Variants in ME3 observed in about 807,000 individuals in gnomAD.
The protein encoded by ME3 is malic enzyme 3, also known as NADP-dependent malic enzyme, mitochondrial.
Under a neutral mutation model 68.9 loss-of-function variants are expected in ME3, and 48 were observed. That is an observed-to-expected ratio of 0.70 (90% CI 0.55 to 0.89). The LOEUF (loss-of-function observed/expected upper bound fraction) is 0.89, where lower values mean the gene tolerates loss of function less well. Among genes scored for constraint, ME3 ranks in the 40% least tolerant of loss-of-function variants. The pLI is 0.00. For synonymous variants in ME3, 320 were observed against 318.8 expected, an observed-to-expected ratio of 1.00 and a Z score of -0.04; for missense variants, 675 against 797.4, an observed-to-expected ratio of 0.85 and a Z score of 1.85.
chr11:86,459,356 G>A (rs577320136), intron 8 of ME3, among the ~76,000 whole-genome samples: 1 of 152,232 alleles, frequency 6.6e-6, no homozygotes, highest in African/African-American at 2.4e-5. Context: ...CAAAATCTCT[G>A]CCTTAAGTCT....
chr11:86,653,480 T>C (rs924798410), intron 2 of ME3, among the ~76,000 whole-genome samples: 1 of 152,200 alleles, frequency 6.6e-6, no homozygotes, highest in Non-Finnish European at 1.5e-5. Context: ...CTGAACAACC[T>C]GCTCCTGAAT....
chr11:86,642,163 A>T (rs1944710935), intron 2 of ME3, among the ~76,000 whole-genome samples: 1 of 152,262 alleles, frequency 6.6e-6, no homozygotes, highest in Non-Finnish European at 1.5e-5. Context: ...CTTCTAAAAA[A>T]TAGAGCCAAG....
chr11:86,662,208 C>T (rs568511559), intron 2 of ME3, among the ~76,000 whole-genome samples: 4 of 152,210 alleles, frequency 2.6e-5, no homozygotes, highest in Admixed American at 1.3e-4. Flanking sequence ...GTTAGTACAG[C>T]GTAGGGGATA....
intron 4 of ME3, among the ~76,000 whole-genome samples, chr11:86,530,993 C>T (rs1955184302): frequency 2.0e-5 from 3 of 152,048 alleles, no homozygotes; most frequent in South Asian, 2.1e-4. Context: ...CCAAAATTGA[C>T]AAATGGGATC....
intron 2 of ME3, among the ~76,000 whole-genome samples, chr11:86,600,264 C>T (rs185633252): frequency 6.6e-6 from 1 of 152,086 alleles, no homozygotes; most frequent in African/African-American, 2.4e-5. Flanking sequence ...GAAGATCTAT[C>T]AAGCAAATGG....
At chr11:86,580,571 A>G (rs1038747069) in intron 2 of ME3, among the ~76,000 whole-genome samples, 1 of 152,206 alleles carries the variant, frequency 6.6e-6, no homozygotes, top group Non-Finnish European at 1.5e-5. Flanking sequence ...AGATATTAAC[A>G]CTACTTCAGT....
At chr11:86,617,055 T>TTG (rs1943018710) in intron 2 of ME3, among the ~76,000 whole-genome samples, 1 of 81,312 alleles carries the variant, frequency 1.2e-5, no homozygotes, top group African/African-American at 4.6e-5. Flanking sequence ...GTTTTTTTTT[T>TTG]TTTTTTTTTT....
chr11:86,641,338 G>A (rs941367188), intron 2 of ME3, among the ~76,000 whole-genome samples: 20 of 152,196 alleles, frequency 1.3e-4, no homozygotes, highest in Admixed American at 9.8e-4. Context: ...TGCTAATGAA[G>A]CACTTCCTCT....
intron 2 of ME3, among the ~76,000 whole-genome samples, chr11:86,601,632 C>T (rs1228695530): frequency 9.9e-5 from 15 of 151,962 alleles, no homozygotes; most frequent in Admixed American, 3.3e-4. Context: ...ATACCAAAGC[C>T]GGGCAGAGAC....
intron 7 of ME3, among the ~76,000 whole-genome samples, chr11:86,480,501 CTAA>C (rs1951338704): frequency 6.6e-6 from 1 of 152,204 alleles, no homozygotes; most frequent in South Asian, 2.1e-4. Flanking sequence ...CTTTACCTAA[CTAA>C]TGAGTTTGCC....
At chr11:86,641,316 T>C (rs1944660800) in intron 2 of ME3, among the ~76,000 whole-genome samples, 1 of 152,190 alleles carries the variant, frequency 6.6e-6, no homozygotes, top group Non-Finnish European at 1.5e-5. Flanking sequence ...GAAAAGGTTA[T>C]TTGACCAAAG....
chr11:86,485,669 C>T lies in ME3; in HGVS notation c.809+1668G>A, dbSNP rs77065796. Among the ~76,000 whole-genome samples, 324 of 152,256 alleles carry T rather than the reference C, an allele frequency of 2.1e-3. 1 individual carries two copies. Among genetic ancestry groups the T allele is most frequent in the African/African-American group, 7.4e-3 (308 of 41,528 alleles). On this transcript the variant is annotated intron_variant, in intron 7 of 14. Coordinates refer to ENST00000543262, the Ensembl canonical transcript of ME3. ...CACTGTCCCTTGTCCCTCCCCTTTA[C>T]CACGTCCTCCCATTCTCTCCCCTTT...
intron 2 of ME3, among the ~76,000 whole-genome samples, chr11:86,654,297 A>G (rs1945697064): frequency 6.6e-6 from 1 of 152,246 alleles, no homozygotes; most frequent in South Asian, 2.1e-4. Flanking sequence ...CAACCAAAAA[A>G]GAGAATTTTA....
At chr11:86,538,488 C>G (rs1024277847) in intron 4 of ME3, among the ~76,000 whole-genome samples, 1 of 152,068 alleles carries the variant, frequency 6.6e-6, no homozygotes, top group Non-Finnish European at 1.5e-5. Flanking sequence ...TTCTGGAGCC[C>G]AAGCTCAACT....
intron 2 of ME3, among the ~76,000 whole-genome samples, chr11:86,571,976 G>C (rs1189624061): frequency 6.6e-6 from 1 of 152,164 alleles, no homozygotes; most frequent in Non-Finnish European, 1.5e-5. Context: ...CTTCAGAAGA[G>C]GCAGCACAAC....
intron 2 of ME3, among the ~76,000 whole-genome samples, chr11:86,596,552 T>C (rs1296764138): frequency 6.6e-6 from 1 of 152,258 alleles, no homozygotes; most frequent in Admixed American, 6.5e-5. Context: ...TCAGTGCTTA[T>C]ATCTTGACCT....
intron 4 of ME3, among the ~76,000 whole-genome samples, chr11:86,518,310 T>C (rs1250419673): frequency 6.6e-6 from 1 of 152,188 alleles, no homozygotes; most frequent in Non-Finnish European, 1.5e-5. Context: ...AACCTCTCCA[T>C]ACCAGGTGAG....
chr11:86,475,561 C>T (rs1448922153), intron 7 of ME3, among the ~76,000 whole-genome samples: 14 of 152,068 alleles, frequency 9.2e-5, no homozygotes, highest in Non-Finnish European at 5.9e-5. Context: ...TAAATATAGC[C>T]TGAATGAAAA....
At position 86,545,776 on chromosome 11, in the gene ME3, C is replaced by T. The variant is rs188032278; in HGVS notation, c.467+10777G>A. 5.9e-4 allele frequency among the ~76,000 whole-genome samples: 90 copies of T among 152,306 alleles called. 1 individual carries two copies. In the East Asian group the frequency reaches 0.017, roughly 28 times the overall value. On this transcript the variant is annotated intron_variant, in intron 4 of 14. Transcript: ENST00000543262. ...TAGATTCAATGCTATCCCCATCAAG[C>T]TACCATTGACTTTCTTCACAGAATT...
Sources: allele counts gnomAD v4.1 joint callset (sites outside exome capture counted in the v4.1 genomes callset), GRCh38; gene constraint gnomAD v4.1.1; transcripts MANE v1.5; gene names NCBI Gene and HGNC (gene_info 2026-07-23, HGNC 2026-07-21).